The following TMEM245 variants were observed in gnomAD, a reference collection of about 807,000 sequenced individuals.
TMEM245 encodes the protein transmembrane protein 245.
In TMEM245, 69 loss-of-function variants were observed where a neutral mutation model predicts 101.2. The ratio of observed to expected loss-of-function variants is 0.68; its 90% CI spans 0.56 to 0.83. The LOEUF (loss-of-function observed/expected upper bound fraction) is 0.83, where lower values mean the gene tolerates loss of function less well. Among genes scored for constraint, TMEM245 ranks in the 40% least tolerant of loss-of-function variants. The pLI, the probability that TMEM245 is intolerant of heterozygous loss-of-function variation, is 0.00. For synonymous variants in TMEM245, 537 were observed against 449.8 expected, an observed-to-expected ratio of 1.19 and a Z score of -2.45; for missense variants, 1,075 against 1,092.8, an observed-to-expected ratio of 0.98 and a Z score of 0.23.
intron 6 of TMEM245, 28 bp downstream of exon 6, chr9:109,087,145 G>C: frequency 6.3e-7 from 1 of 1,575,834 alleles, no homozygotes; most frequent in East Asian, 2.3e-5. Context: ...ACTCCATTAA[G>C]ACAGCCCAAG....
chr9:109,022,764 G>A (rs1342361098), intron 17 of TMEM245, among the ~76,000 whole-genome samples: 1 of 152,114 alleles, frequency 6.6e-6, no homozygotes, highest in Non-Finnish European at 1.5e-5. Context: ...ATGAATTTCA[G>A]GTAGCACTTA....
chr9:109,105,827 G>GT (rs1417504154), intron 3 of TMEM245, among the ~76,000 whole-genome samples: 1 of 152,206 alleles, frequency 6.6e-6, no homozygotes, highest in East Asian at 1.9e-4. Context: ...CTGGAGTGCA[G>GT]TGGTGCGATC....
intron 12 of TMEM245, 38 bp from the exon 13 acceptor site, chr9:109,050,730 T>C (rs1828652271): frequency 6.2e-7 from 1 of 1,606,384 alleles, no homozygotes; most frequent in Admixed American, 1.7e-5. Flanking sequence ...GAACCAATCC[T>C]CATGAAAAAA....
At chr9:109,086,766 G>A (rs1213792013) in intron 6 of TMEM245, among the ~76,000 whole-genome samples, 1 of 152,120 alleles carries the variant, frequency 6.6e-6, no homozygotes, top group African/African-American at 2.4e-5. Flanking sequence ...TTCTGTATCT[G>A]GTTTTCCATG....
chr9:109,048,216 T>C (rs1828558463), intron 14 of TMEM245, among the ~76,000 whole-genome samples: 1 of 152,068 alleles, frequency 6.6e-6, no homozygotes, highest in South Asian at 2.1e-4. Context: ...TGACAGCCAA[T>C]CGCGGAAACA....
chr9:109,053,670 T>C (rs1828751154), intron 12 of TMEM245, among the ~76,000 whole-genome samples: 1 of 152,222 alleles, frequency 6.6e-6, no homozygotes. Context: ...TGCAGCCCTT[T>C]ACTCTGAGTC....
rs1324335685 is a variant in TMEM245, at chr9:109,019,636, A to G, written c.*824T>C. On this transcript the variant is annotated 3_prime_UTR_variant, in exon 18 of 18. Transcript: ENST00000374586. Reference sequence around the variant, plus strand: ...GAGTTCCAAATAATGAAACGGATACATTTAACAAATCAGAGTATTGCTACA... The same window carrying G: ...GAGTTCCAAATAATGAAACGGATACGTTTAACAAATCAGAGTATTGCTACA... 6.6e-6 allele frequency: 1 copy of G among 152,450 alleles called. No individual in the cohort carries two copies. The allele number at this position is 152,450 out of a possible 1,614,324, so 9.4% of individuals were successfully genotyped here.
intron 1 of TMEM245, among the ~76,000 whole-genome samples, chr9:109,115,150 C>T (rs1588085532): frequency 6.6e-6 from 1 of 152,074 alleles, no homozygotes; most frequent in East Asian, 1.9e-4. Flanking sequence ...AGTTCAAGAC[C>T]AGCCTGGCCA....
intron 9 of TMEM245, among the ~76,000 whole-genome samples, chr9:109,066,587 C>T (rs1434878533): frequency 2.0e-5 from 3 of 151,446 alleles, no homozygotes; most frequent in Non-Finnish European, 4.4e-5. Context: ...AAATGTGATT[C>T]GGGAGAAATT....
At chr9:109,028,608 G>A (rs2132292739) in intron 17 of TMEM245, among the ~76,000 whole-genome samples, 1 of 152,116 alleles carries the variant, frequency 6.6e-6, no homozygotes, top group Admixed American at 6.5e-5. Flanking sequence ...CAGATATAAT[G>A]AATGTCCCTC....
At chr9:109,061,022 CTTAG>C (rs1194369243) in intron 10 of TMEM245, among the ~76,000 whole-genome samples, 1 of 152,130 alleles carries the variant, frequency 6.6e-6, no homozygotes, top group Non-Finnish European at 1.5e-5. Flanking sequence ...TGTTGTCCCA[CTTAG>C]TTATTATTAA....
chr9:109,030,165 G>A (rs1353938748), intron 17 of TMEM245, among the ~76,000 whole-genome samples: 1 of 152,126 alleles, frequency 6.6e-6, no homozygotes, highest in Non-Finnish European at 1.5e-5. Flanking sequence ...GTCACTTCAA[G>A]ATATGGAGGT....
chr9:109,119,885 G>T lies in TMEM245; in HGVS notation c.29C>A (p.Ala10Glu), dbSNP rs779860318. ...CCCGGGAGAGCTCCGCAGGCTTGGC[G>T]CGTCCTTAGGGCCGCCGCCGTCGGC... The part of the protein sequence containing the change: MADGGGPKD[A>E]PSLRSSPGPA... Residue 10 changes from alanine to glutamate, a missense_variant, in exon 1 of 18, where the codon GCG becomes GAG. Physicochemically the swap from Ala to Glu is moderately radical, Grantham distance 107. This residue lies in a region of TMEM245 where 808 missense variants were observed against 741.5 expected (regional missense o/e 1.09). Coordinates refer to ENST00000374586, the MANE Select transcript of TMEM245 (RefSeq NM_032012.4). 1 of 1,300,336 alleles carries T rather than the reference G, an allele frequency of 7.7e-7. No individual in the cohort carries two copies. The highest frequency in any genetic ancestry group is 9.7e-7 in the Non-Finnish European group (1 of 1,032,752). 80.5% of individuals were successfully genotyped at this position (1,300,336 alleles called of 1,614,324 possible). A position where few individuals can be genotyped will look rare whatever the true frequency, so the allele number is the denominator to read the frequency against.
At chr9:109,050,234 G>T (rs373987413) in intron 14 of TMEM245, 49 bp downstream of exon 14, 472 of 1,604,108 alleles carry the variant, frequency 2.9e-4, no homozygotes, top group Non-Finnish European at 3.8e-4. Flanking sequence ...GGCTTATCAT[G>T]GAAAAAAAGT....
intron 17 of TMEM245, among the ~76,000 whole-genome samples, chr9:109,032,646 C>T (rs867403432): frequency 5.3e-5 from 8 of 151,442 alleles, no homozygotes; most frequent in Middle Eastern, 3.4e-3. Flanking sequence ...CCTCAGCCTC[C>T]CAAACTGCTG....
chr9:109,101,818 T>C (rs1274088787), intron 3 of TMEM245, among the ~76,000 whole-genome samples: 2 of 152,228 alleles, frequency 1.3e-5, no homozygotes, highest in Non-Finnish European at 2.9e-5. Flanking sequence ...TAATCGACCA[T>C]GGTCTTCTTT....
intron 1 of TMEM245, among the ~76,000 whole-genome samples, chr9:109,114,722 C>T (rs990266406): frequency 5.3e-5 from 8 of 152,202 alleles, no homozygotes; most frequent in African/African-American, 1.9e-4. Context: ...TGAGGAAGAT[C>T]AGAATGCCCC....
chr9:109,089,328 T>C (rs1829933273), intron 5 of TMEM245, among the ~76,000 whole-genome samples: 1 of 152,060 alleles, frequency 6.6e-6, no homozygotes, highest in Admixed American at 6.5e-5. Flanking sequence ...TCATAATAAA[T>C]GTTAAAAAAT....
At chr9:109,056,888 C>T (rs1828855066) in intron 12 of TMEM245, among the ~76,000 whole-genome samples, 1 of 152,150 alleles carries the variant, frequency 6.6e-6, no homozygotes, top group African/African-American at 2.4e-5. Context: ...GTAACTGGAA[C>T]CATATTTCCA....
Sources: gnomAD v4.1 joint callset for allele counts (sites outside exome capture counted in the v4.1 genomes callset) on GRCh38, gnomAD v4.1.1 for gene constraint, gnomAD v4.1.1 regional missense constraint, MANE v1.5 for transcripts, NCBI Gene and HGNC (gene_info 2026-07-23, HGNC 2026-07-21) for gene names.